Variants in PTPRB observed in about 807,000 individuals in gnomAD.
PTPRB encodes the protein receptor-type tyrosine-protein phosphatase beta.
PTPRB carries 97 observed loss-of-function variants against 238.1 expected under a neutral mutation model. The ratio of observed to expected loss-of-function variants is 0.41; its 90% confidence interval spans 0.35 to 0.48. The LOEUF (loss-of-function observed/expected upper bound fraction) is 0.48. Ranked by LOEUF, PTPRB falls within the 20% of genes least tolerant of loss-of-function variation. PTPRB has a pLI of 0.30. For missense variants in PTPRB, 2,292 were observed against 2,681.9 expected (o/e 0.85, Z 3.21); for synonymous variants, 970 against 995.4 (o/e 0.97, Z 0.48).
At chr12:70,632,920 G>A in intron 2 of PTPRB, among the ~76,000 whole-genome samples, 1 of 152,186 alleles carries the variant, frequency 6.6e-6, no homozygotes, top group East Asian at 1.9e-4. Flanking sequence ...TACTAGCACA[G>A]GGTACCTGAG....
chr12:70,580,219 T>A (rs567219360), intron 10 of PTPRB, among the ~76,000 whole-genome samples: 23 of 152,296 alleles, frequency 1.5e-4, no homozygotes, highest in African/African-American at 4.6e-4. Context: ...CAGGGAGCTA[T>A]TAAGGTCAAG....
rs1177812924 is a variant in PTPRB, at chr12:70,607,593, C to T, written c.979+1476G>A. On this transcript the variant is annotated intron_variant, in intron 4 of 33. Coordinates refer to ENST00000334414, the MANE Select transcript of PTPRB (RefSeq NM_001109754.4). ...GACAGAGTCTCCTCTGTTGCCCAGGCTGGAGTGCAGTGGCACAATCTGGCT... is the reference window on the plus strand; with the variant it reads ...GACAGAGTCTCCTCTGTTGCCCAGGTTGGAGTGCAGTGGCACAATCTGGCT... Among the ~76,000 whole-genome samples, 4 of 147,020 alleles carry T rather than the reference C, an allele frequency of 2.7e-5. No individual in the cohort carries two copies. In the East Asian group the frequency reaches 6.0e-4, roughly 22 times the overall value.
At chr12:70,544,472 C>T in intron 22 of PTPRB, 85 bp downstream of exon 22, 3 of 914,758 alleles carry the variant, frequency 3.3e-6, no homozygotes, top group South Asian at 1.5e-5. Context: ...AAATGTTCCC[C>T]CCACCATCAG....
At chr12:70,522,076 G>T (rs1265166937) in intron 33 of PTPRB, among the ~76,000 whole-genome samples, 2 of 152,110 alleles carry the variant, frequency 1.3e-5, no homozygotes, top group African/African-American at 4.8e-5. Flanking sequence ...ATTTACAAAG[G>T]ACTCCTCTAA....
intron 2 of PTPRB, among the ~76,000 whole-genome samples, chr12:70,626,055 G>T (rs934833873): frequency 6.6e-6 from 1 of 151,918 alleles, no homozygotes; most frequent in Admixed American, 6.6e-5. Flanking sequence ...TTTTTATAAA[G>T]ATAATATATT....
chr12:70,546,696 T>C (rs956573676), intron 21 of PTPRB, among the ~76,000 whole-genome samples: 13 of 152,200 alleles, frequency 8.5e-5, no homozygotes, highest in Admixed American at 7.2e-4. Context: ...AACATTAAGC[T>C]GTTTTCTAAC....
chr12:70,534,530 A>G lies in PTPRB; in HGVS notation c.6326T>C (p.Ile2109Thr), dbSNP rs1470930726. The change falls in exon 31 of 34, where the codon ATC becomes ACC. Residue 2109 changes from isoleucine (I) to threonine (T), a missense_variant. By Grantham distance (89) the Ile-to-Thr change is moderately conservative (BLOSUM62 -1). Around this residue, in one of 4 missense-constraint regions of PTPRB, gnomAD observed 397 missense variants for 502.0 expected, o/e 0.79. Transcript: ENST00000334414. ...IQFVRTVRDY[I>T]NRSPGAGPTV... is the part of the protein sequence containing the mutation. The stretch of plus-strand genomic sequence containing the variant: ...GGGCCCAGCACCCGGGCTTCTGTTG[A>G]TGTAGTCCCTGACAGTTCTCACAAA... 1.2e-6 allele frequency: 2 copies of G among 1,613,416 alleles called. No individual in the cohort carries two copies. Among genetic ancestry groups the G allele is most frequent in the Non-Finnish European group, 1.7e-6 (2 of 1,179,728 alleles).
chr12:70,600,899 G>T lies in PTPRB; in HGVS notation c.980-4572C>A, dbSNP rs144113897. Reference sequence around the variant, plus strand: ...TCTTTTTTTTTTGAGATGGAGTCTAGCTCTGTCGCTGAGGCTGGAGTGCAG... The same window carrying T: ...TCTTTTTTTTTTGAGATGGAGTCTATCTCTGTCGCTGAGGCTGGAGTGCAG... On this transcript the variant is annotated intron_variant, in intron 4 of 33. Coordinates refer to ENST00000334414, the MANE Select transcript of PTPRB (RefSeq NM_001109754.4). Among the ~76,000 whole-genome samples the T allele has an allele frequency of 5.4e-3, 814 of 151,732 alleles. 14 individuals are homozygous for T. The highest frequency in any genetic ancestry group is 0.042 in the South Asian group (201 of 4,804).
chr12:70,601,997 G>T (rs952819806), intron 4 of PTPRB, among the ~76,000 whole-genome samples: 1 of 151,516 alleles, frequency 6.6e-6, no homozygotes, highest in Non-Finnish European at 1.5e-5. Context: ...GGGTTTCACC[G>T]TGTTAGCCAG....
At chr12:70,614,714 T>C (rs1200978311) in intron 3 of PTPRB, among the ~76,000 whole-genome samples, 2 of 152,158 alleles carry the variant, frequency 1.3e-5, no homozygotes, top group African/African-American at 4.8e-5. Context: ...GAAGAAAGCA[T>C]AGCAATCAGG....
intron 28 of PTPRB, among the ~76,000 whole-genome samples, chr12:70,537,122 A>C (rs1032911612): frequency 6.6e-6 from 1 of 152,044 alleles, no homozygotes; most frequent in Non-Finnish European, 1.5e-5. Context: ...GTCTCTACTA[A>C]AAATACAAAA....
At chr12:70,601,293 G>A (rs947923551) in intron 4 of PTPRB, among the ~76,000 whole-genome samples, 4 of 152,020 alleles carry the variant, frequency 2.6e-5, no homozygotes, top group Non-Finnish European at 5.9e-5. Context: ...GAACCACCAC[G>A]CCCCGCCTCT....
rs191205541 is a variant in PTPRB at position 70,573,987 on chromosome 12, C to A, written c.2843-1900G>T. Among the ~76,000 whole-genome samples the A allele has an allele frequency of 3.6e-3, 545 of 152,174 alleles. 2 individuals are homozygous for A. The highest frequency in any genetic ancestry group is 0.02 in the Middle Eastern group (6 of 294). On this transcript the variant is annotated intron_variant, in intron 11 of 33. Coordinates refer to ENST00000334414, the MANE Select transcript of PTPRB (RefSeq NM_001109754.4). ...GGAGATTTCATTTTTCCATTTGGGGCTGAATTTTAATTCAACAGTAGGCCA... is the reference window on the plus strand; with the variant it reads ...GGAGATTTCATTTTTCCATTTGGGGATGAATTTTAATTCAACAGTAGGCCA...
intron 4 of PTPRB, among the ~76,000 whole-genome samples, chr12:70,600,137 G>T (rs766367786): frequency 6.6e-6 from 1 of 152,130 alleles, no homozygotes; most frequent in Non-Finnish European, 1.5e-5. Flanking sequence ...AGAAGTGATT[G>T]TATTTGCTAT....
At position 70,569,927 on chromosome 12, in the gene PTPRB, C is replaced by G. The variant is rs781087905; in HGVS notation, c.3382G>C (p.Val1128Leu). ...TTGGGAGAAATGTGAATATTTTTGA[C>G]AGCACTAGGAACTAAAACAGAAAAT... is the stretch of plus-strand genomic sequence containing the variant. ...FIEGFTVPSAVKNIHISPNGA... is the reference protein window; with the variant it reads ...FIEGFTVPSALKNIHISPNGA... Residue 1128 changes from valine (V) to leucine (L), a missense_variant, in exon 14 of 34, where the codon GTC becomes CTC. By Grantham distance (32) the Val-to-Leu change is conservative. Transcript: ENST00000334414. 6.2e-7 allele frequency: 1 copy of G among 1,607,994 alleles called. No homozygotes were observed. Among genetic ancestry groups the G allele is most frequent in the Admixed American group, 1.7e-5 (1 of 59,940 alleles).
chr12:70,579,441 G>A (rs1303771537), intron 10 of PTPRB, among the ~76,000 whole-genome samples: 2 of 152,166 alleles, frequency 1.3e-5, no homozygotes, highest in Non-Finnish European at 2.9e-5. Flanking sequence ...GCTCACACCT[G>A]TGATCCCAGC....
intron 8 of PTPRB, among the ~76,000 whole-genome samples, chr12:70,588,501 C>T (rs868650151): frequency 1.3e-5 from 2 of 151,990 alleles, no homozygotes; most frequent in African/African-American, 4.8e-5. Flanking sequence ...GGTGTGGTGG[C>T]ACATGCCTGT....
intron 22 of PTPRB, 100 bp from the exon 23 acceptor site, chr12:70,541,057 T>C (rs1297222627): frequency 9.4e-6 from 9 of 952,668 alleles, no homozygotes; most frequent in African/African-American, 3.3e-5. Context: ...AGTAATGTTA[T>C]TACAAATAGA....
intron 11 of PTPRB, among the ~76,000 whole-genome samples, chr12:70,573,509 T>TC (rs1686551814): frequency 1.5e-5 from 2 of 136,696 alleles, no homozygotes; most frequent in African/African-American, 6.3e-5. Context: ...TCTTTTCTTT[T>TC]TTTTTTTTTT....
Sources: gnomAD v4.1 joint callset for allele counts (sites outside exome capture counted in the v4.1 genomes callset) on GRCh38, gnomAD v4.1.1 for gene constraint, gnomAD v4.1.1 regional missense constraint, MANE v1.5 for transcripts, NCBI Gene and HGNC (gene_info 2026-07-23, HGNC 2026-07-21) for gene names.